GPC5: variants seen among roughly 807,000 people sequenced by gnomAD.
The protein encoded by GPC5 is glypican-5.
GPC5 carries 47 observed loss-of-function variants against 53.9 expected under a neutral mutation model. That is an observed-to-expected ratio of 0.87 (90% CI 0.69 to 1.11). The LOEUF (loss-of-function observed/expected upper bound fraction) is 1.11. GPC5 is among the 50% of genes most tolerant of loss of function. The pLI, the probability that GPC5 is intolerant of heterozygous loss-of-function variation, is 0.00. For missense variants in GPC5, 748 were observed against 713.1 expected, an observed-to-expected ratio of 1.05 and a Z score of -0.56; for synonymous variants, 286 against 263.3, an observed-to-expected ratio of 1.09 and a Z score of -0.84.
intron 6 of GPC5, chr13:91,995,219 G>T (rs1299600162): frequency 6.6e-6 from 1 of 152,016 alleles, no homozygotes; most frequent in Non-Finnish European, 1.5e-5. Context: ...TGATCTGCCC[G>T]CCTCAGCCTC....
chr13:92,866,316 G>T lies in GPC5; in HGVS notation c.1596G>T (p.Lys532Asn). The change falls in exon 8 of 8, where the codon AAG becomes AAT. Residue 532 changes from lysine to asparagine, a missense_variant. Lys to Asn is a moderately conservative substitution (Grantham distance 94). Coordinates refer to ENST00000377067, the MANE Select transcript of GPC5 (RefSeq NM_004466.6). ...ATGATATGAACTTCAGTGATGTAAA[G>T]CAAATCCATCAAACAGACACTGGCA... The part of the protein sequence containing the change: ...MPDDMNFSDV[K>N]QIHQTDTGST... 6.2e-7 allele frequency: 1 copy of T among 1,612,648 alleles called. No homozygotes were observed.
chr13:92,768,906 A>G (rs1875511464), intron 7 of GPC5, among the ~76,000 whole-genome samples: 1 of 151,786 alleles, frequency 6.6e-6, no homozygotes, highest in Non-Finnish European at 1.5e-5. Context: ...TATTTCTCCA[A>G]CGTCGAGGAT....
intron 7 of GPC5, among the ~76,000 whole-genome samples, chr13:92,275,478 A>C (rs1468826216): frequency 6.6e-6 from 1 of 152,190 alleles, no homozygotes; most frequent in Non-Finnish European, 1.5e-5. Context: ...TTCAATGAAA[A>C]AATAAACAAG....
chr13:92,671,654 A>G (rs991169987), intron 7 of GPC5, among the ~76,000 whole-genome samples: 6 of 152,208 alleles, frequency 3.9e-5, no homozygotes, highest in African/African-American at 1.4e-4. Flanking sequence ...GATAACAACA[A>G]CGAAAAGAGA....
At chr13:91,457,582 C>T (rs901425773) in intron 2 of GPC5, among the ~76,000 whole-genome samples, 9 of 151,916 alleles carry the variant, frequency 5.9e-5, no homozygotes, top group African/African-American at 1.2e-4. Context: ...TGCACCCTGC[C>T]GCAGCACAGG....
chr13:92,211,516 A>G (rs937778350), intron 7 of GPC5, among the ~76,000 whole-genome samples: 2 of 152,248 alleles, frequency 1.3e-5, no homozygotes, highest in Admixed American at 1.3e-4. Context: ...ACCTGGCCTT[A>G]GCCAAGCAGT....
chr13:92,808,460 T>A (rs1877181265), intron 7 of GPC5, among the ~76,000 whole-genome samples: 1 of 152,106 alleles, frequency 6.6e-6, no homozygotes, highest in Admixed American at 6.6e-5. Flanking sequence ...GTTGTGATCA[T>A]GATGGTGCGG....
At chr13:92,145,610 T>C (rs1566455329) in intron 7 of GPC5, among the ~76,000 whole-genome samples, 3 of 152,176 alleles carry the variant, frequency 2.0e-5, no homozygotes, top group Admixed American at 6.5e-5. Flanking sequence ...TTTCCCTTCC[T>C]GATTATCACA....
At chr13:92,238,838 G>A (rs886155434) in intron 7 of GPC5, among the ~76,000 whole-genome samples, 2 of 151,290 alleles carry the variant, frequency 1.3e-5, no homozygotes, top group Admixed American at 1.3e-4. Context: ...CCTAATCCAA[G>A]GTCATCAAGA....
At chr13:92,785,279 AAAT>A (rs568619386) in intron 7 of GPC5, among the ~76,000 whole-genome samples, 162 of 152,260 alleles carry the variant, frequency 1.1e-3, no homozygotes, top group African/African-American at 3.8e-3. Context: ...CTATCTCAAA[AAAT>A]AATAAGAAGA....
chr13:91,752,432 C>T (rs945789457), intron 4 of GPC5, among the ~76,000 whole-genome samples: 2 of 152,094 alleles, frequency 1.3e-5, no homozygotes, highest in African/African-American at 4.8e-5. Flanking sequence ...GTTAGGATTT[C>T]AACATATGAA....
At chr13:92,653,609 C>T in intron 7 of GPC5, among the ~76,000 whole-genome samples, 1 of 152,070 alleles carries the variant, frequency 6.6e-6, no homozygotes, top group East Asian at 1.9e-4. Context: ...AAGCAGTTTT[C>T]AAGAATTTCA....
chr13:92,460,940 A>G (rs1878453828), intron 7 of GPC5, among the ~76,000 whole-genome samples: 1 of 152,222 alleles, frequency 6.6e-6, no homozygotes, highest in Non-Finnish European at 1.5e-5. Flanking sequence ...GAAAGGAATT[A>G]GAATAAGAGA....
intron 7 of GPC5, among the ~76,000 whole-genome samples, chr13:92,518,725 G>A (rs1880899180): frequency 6.6e-6 from 1 of 152,088 alleles, no homozygotes; most frequent in African/African-American, 2.4e-5. Context: ...ATCAACTAAC[G>A]AGCAAAATAA....
intron 7 of GPC5, among the ~76,000 whole-genome samples, chr13:92,700,209 T>C (rs1887684911): frequency 6.6e-6 from 1 of 152,010 alleles, no homozygotes; most frequent in Admixed American, 6.6e-5. Context: ...TTGAACTTTG[T>C]TGGTTTGAAG....
At chr13:92,699,072 T>C (rs1296781188) in intron 7 of GPC5, among the ~76,000 whole-genome samples, 1 of 152,138 alleles carries the variant, frequency 6.6e-6, no homozygotes, top group East Asian at 1.9e-4. Context: ...TTTTTTTGGT[T>C]GGTAGGCTAT....
At chr13:92,534,034 C>T (rs1361990059) in intron 7 of GPC5, among the ~76,000 whole-genome samples, 1 of 152,138 alleles carries the variant, frequency 6.6e-6, no homozygotes, top group Non-Finnish European at 1.5e-5. Flanking sequence ...TGCCTATCAT[C>T]CCAGCACTTT....
chr13:91,960,436 G>A (rs955032471), intron 6 of GPC5, among the ~76,000 whole-genome samples: 3 of 151,844 alleles, frequency 2.0e-5, no homozygotes, highest in African/African-American at 7.2e-5. Context: ...ATGAACAAAT[G>A]GAAAGACATC....
At chr13:92,234,366 T>C (rs1381568575) in intron 7 of GPC5, among the ~76,000 whole-genome samples, 4 of 152,170 alleles carry the variant, frequency 2.6e-5, no homozygotes, top group Non-Finnish European at 4.4e-5. Flanking sequence ...TGGTGTGAGA[T>C]GGTATCTCAT....
Sources: gnomAD v4.1 joint callset for allele counts (sites outside exome capture counted in the v4.1 genomes callset) on GRCh38, gnomAD v4.1.1 for gene constraint, MANE v1.5 for transcripts, NCBI Gene and HGNC (gene_info 2026-07-23, HGNC 2026-07-21) for gene names.